CLVS1: variants seen among roughly 807,000 people sequenced by gnomAD.
CLVS1 encodes the protein clavesin 1, also known as clavesin-1.
In CLVS1, 10 loss-of-function variants were observed where a neutral mutation model predicts 33.1. The observed-to-expected ratio is 0.30, with a 90% CI of 0.19 to 0.51. The LOEUF (loss-of-function observed/expected upper bound fraction) is 0.51. Among genes scored for constraint, CLVS1 ranks in the 20% least tolerant of loss-of-function variants. CLVS1 has a pLI of 0.97. For missense variants in CLVS1, 343 were observed against 433.4 expected (o/e 0.79, Z 1.85); for synonymous variants, 163 against 166.1 (o/e 0.98, Z 0.14).
At chr8:61,240,894 G>GGTTTTTTT (rs1808683948) in intron 2 of CLVS1, among the ~76,000 whole-genome samples, 1 of 130,616 alleles carries the variant, frequency 7.7e-6, no homozygotes, top group Non-Finnish European at 1.5e-5. Context: ...TTTGCTGTAG[G>GGTTTTTTT]TTTTTTTTTT....
intron 1 of CLVS1, among the ~76,000 whole-genome samples, chr8:61,122,196 A>G (rs1264663553): frequency 3.3e-5 from 5 of 152,238 alleles, no homozygotes; most frequent in Non-Finnish European, 7.3e-5. Context: ...GCCTCTGCTT[A>G]TAAGTACAGA....
At chr8:61,490,443 TG>T (rs1453711480) in intron 5 of CLVS1, among the ~76,000 whole-genome samples, 12 of 151,674 alleles carry the variant, frequency 7.9e-5, no homozygotes, top group African/African-American at 2.9e-4. Context: ...CTGAGGCCTG[TG>T]CATCACCAGG....
chr8:61,314,774 G>A (rs1023858317), intron 2 of CLVS1, among the ~76,000 whole-genome samples: 1 of 152,090 alleles, frequency 6.6e-6, no homozygotes, highest in African/African-American at 2.4e-5. Context: ...TGTTGTTGTT[G>A]TTACTTCTTT....
At chr8:61,108,709 T>G (rs1300955788) in intron 1 of CLVS1, among the ~76,000 whole-genome samples, 6 of 152,210 alleles carry the variant, frequency 3.9e-5, no homozygotes, top group African/African-American at 7.2e-5. Flanking sequence ...GTTACAAACT[T>G]CTCACTCAAA....
At chr8:61,473,811 T>G (rs952522934) in intron 5 of CLVS1, among the ~76,000 whole-genome samples, 1 of 152,184 alleles carries the variant, frequency 6.6e-6, no homozygotes, top group East Asian at 1.9e-4. Flanking sequence ...TGCTGCTGAA[T>G]GGAAAGCAGA....
chr8:61,241,642 C>T (rs1441827723), intron 2 of CLVS1, among the ~76,000 whole-genome samples: 4 of 152,166 alleles, frequency 2.6e-5, no homozygotes, highest in Non-Finnish European at 1.5e-5. Context: ...TGTACTACAT[C>T]CACATACATT....
At chr8:61,409,151 CAT>C (rs962297202) in intron 3 of CLVS1, among the ~76,000 whole-genome samples, 3 of 152,158 alleles carry the variant, frequency 2.0e-5, no homozygotes, top group Non-Finnish European at 2.9e-5. Context: ...ATGACTGACA[CAT>C]ATAATATATA....
chr8:61,248,349 T>A lies in CLVS1; in HGVS notation c.-151-51328T>A, dbSNP rs1054282446. 2.0e-5 allele frequency among the ~76,000 whole-genome samples: 3 copies of A among 152,318 alleles called. No homozygotes were observed. In the South Asian group the frequency reaches 6.2e-4, roughly 32 times the overall value. Reference sequence around the variant, plus strand: ...AATGTCACTGGTACTTTGATAGGAATAACATTGAATCTGTAAATTGCCTTT... The same window carrying A: ...AATGTCACTGGTACTTTGATAGGAAAAACATTGAATCTGTAAATTGCCTTT... On this transcript the variant is annotated intron_variant, in intron 2 of 2. Transcript: ENST00000522621.
intron 2 of CLVS1, among the ~76,000 whole-genome samples, chr8:61,261,994 G>A (rs866991537): frequency 1.1e-4 from 15 of 134,248 alleles, no homozygotes; most frequent in African/African-American, 3.1e-4. Flanking sequence ...GTGTGTGTGT[G>A]TGTGTGTGTG....
At chr8:61,235,380 A>G (rs1808534318) in intron 2 of CLVS1, among the ~76,000 whole-genome samples, 1 of 152,208 alleles carries the variant, frequency 6.6e-6, no homozygotes, top group Non-Finnish European at 1.5e-5. Context: ...GGAGGCAAGA[A>G]TTTCAAATCA....
At chr8:61,004,219 G>A in the CLVS1 span, among the ~76,000 whole-genome samples, 2 of 152,256 alleles carry the variant, frequency 1.3e-5, no homozygotes, top group Admixed American at 1.3e-4. Flanking sequence ...TCGGGTGGGT[G>A]TTTCAATGTT....
At chr8:61,033,700 G>C in the CLVS1 span, among the ~76,000 whole-genome samples, 1 of 152,202 alleles carries the variant, frequency 6.6e-6, no homozygotes, top group Non-Finnish European at 1.5e-5. Flanking sequence ...GGCTGGGGGG[G>C]CACTTCTGCC....
At chr8:61,485,550 A>C (rs1264009824) in intron 5 of CLVS1, among the ~76,000 whole-genome samples, 1 of 152,250 alleles carries the variant, frequency 6.6e-6, no homozygotes, top group Non-Finnish European at 1.5e-5. Flanking sequence ...TTCTTTGATG[A>C]TCTAGAACTG....
At chr8:61,104,058 A>C (rs1467673814) in intron 1 of CLVS1, among the ~76,000 whole-genome samples, 2 of 152,226 alleles carry the variant, frequency 1.3e-5, no homozygotes, top group Admixed American at 6.5e-5. Flanking sequence ...TGTTTCCTGT[A>C]TTCAGAAAGT....
At chr8:61,372,518 G>T (rs571910671) in intron 2 of CLVS1, among the ~76,000 whole-genome samples, 2 of 151,994 alleles carry the variant, frequency 1.3e-5, no homozygotes, top group East Asian at 3.9e-4. Context: ...TCAGCTTATA[G>T]TAGTACAGTG....
the CLVS1 span, among the ~76,000 whole-genome samples, chr8:60,985,823 T>G: frequency 6.9e-6 from 1 of 145,788 alleles, no homozygotes; most frequent in Non-Finnish European, 1.5e-5. Context: ...AAAAAAAGCC[T>G]GAGCAACCTG....
intron 5 of CLVS1, among the ~76,000 whole-genome samples, chr8:61,495,489 G>C (rs1272569591): frequency 6.6e-6 from 1 of 152,148 alleles, no homozygotes; most frequent in Non-Finnish European, 1.5e-5. Flanking sequence ...ACAGGGAAAG[G>C]GGAAGTTTTG....
At chr8:61,246,164 C>T (rs571874250) in intron 2 of CLVS1, among the ~76,000 whole-genome samples, 2 of 109,822 alleles carry the variant, frequency 1.8e-5, no homozygotes, top group Admixed American at 2.0e-4. Flanking sequence ...TCTTCCTTCC[C>T]AACTTTTTTT....
At chr8:61,499,421 T>G (rs369614253) in intron 5 of CLVS1, 34 bp from the exon 6 acceptor site, 13 of 1,481,008 alleles carry the variant, frequency 8.8e-6, no homozygotes, top group Admixed American at 8.4e-5. Context: ...ATGAATTGTT[T>G]GTAATTCTGT....
Sources: gnomAD v4.1 joint callset for allele counts (sites outside exome capture counted in the v4.1 genomes callset) on GRCh38, gnomAD v4.1.1 for gene constraint, MANE v1.5 for transcripts, NCBI Gene and HGNC (gene_info 2026-07-23, HGNC 2026-07-21) for gene names.